The following PTPRN2 variants were observed in gnomAD, a reference collection of about 807,000 sequenced individuals.
The protein encoded by PTPRN2 is protein tyrosine phosphatase receptor type N2.
Under a neutral mutation model 118.8 loss-of-function variants are expected in PTPRN2, and 74 were observed. The observed-to-expected ratio is 0.62, with a 90% CI of 0.52 to 0.76. PTPRN2 has a LOEUF of 0.76. PTPRN2 is among the 30% of genes least tolerant of loss of function. The pLI, the probability that PTPRN2 is intolerant of heterozygous loss-of-function variation, is 0.00. For missense variants in PTPRN2, 1,481 were observed against 1,394.4 expected (o/e 1.06, Z -0.99); for synonymous variants, 641 against 608.0 (o/e 1.05, Z -0.80).
chr7:158,074,936 T>G (rs1161414120), intron 11 of PTPRN2, among the ~76,000 whole-genome samples: 1 of 152,222 alleles, frequency 6.6e-6, no homozygotes, highest in Non-Finnish European at 1.5e-5. Flanking sequence ...TTCCTAGCCC[T>G]TGGTTTAGCA....
At chr7:158,147,810 A>G (rs1338724935) in intron 6 of PTPRN2, among the ~76,000 whole-genome samples, 10 of 99,338 alleles carry the variant, frequency 1.0e-4, no homozygotes, top group East Asian at 9.3e-4. Flanking sequence ...ATTTCACGCC[A>G]CACGTCTTTC....
At chr7:158,216,329 T>C (rs1827953585) in intron 3 of PTPRN2, among the ~76,000 whole-genome samples, 1 of 151,536 alleles carries the variant, frequency 6.6e-6, no homozygotes, top group Non-Finnish European at 1.5e-5. Context: ...CAAGAACAAG[T>C]AGAAAATACA....
chr7:158,352,507 G>A (rs1248125266), intron 2 of PTPRN2, among the ~76,000 whole-genome samples: 2 of 152,228 alleles, frequency 1.3e-5, no homozygotes, highest in East Asian at 1.9e-4. Context: ...GGACCCTGAG[G>A]TGGGTCAGGC....
rs1213062907 is a variant in PTPRN2 at position 158,525,189 on chromosome 7, C to T, written c.113-35404G>A. 6.6e-6 allele frequency among the ~76,000 whole-genome samples: 1 copy of T among 152,134 alleles called. No homozygotes were observed. Among genetic ancestry groups the T allele is most frequent in the African/African-American group, 2.4e-5 (1 of 41,414 alleles). Reference sequence around the variant, plus strand: ...CTCTGGAGCCGGCTGCAGAGCACAGCGTGAGGCAGGCCCTGACCGCTCTGG... The same window carrying T: ...CTCTGGAGCCGGCTGCAGAGCACAGTGTGAGGCAGGCCCTGACCGCTCTGG... On this transcript the variant is annotated intron_variant, in intron 1 of 22. Transcript: ENST00000389418. This position sits in a 1 kb window ranked among gnomAD's most constrained non-coding sequence, Gnocchi z 4.1.
rs981701981 is a variant in PTPRN2, at chr7:158,529,168, C to T, written c.113-39383G>A. Among the ~76,000 whole-genome samples the T allele has an allele frequency of 3.9e-5, 6 of 152,234 alleles. No individual in the cohort carries two copies. The highest frequency in any genetic ancestry group is 1.3e-4 in the Admixed American group (2 of 15,284). On this transcript the variant is annotated intron_variant, in intron 1 of 22. Coordinates refer to ENST00000389418, the MANE Select transcript of PTPRN2 (RefSeq NM_002847.5). The surrounding 1 kb of genome is among the most constrained non-coding windows in gnomAD (Gnocchi z 4.7). ...CTGGGACACAGGACATTAGAATGCC[C>T]GCAGCACTCACACAGCACCTGGTGG...
At chr7:158,390,274 G>T (rs1048186435) in intron 2 of PTPRN2, among the ~76,000 whole-genome samples, 2 of 152,222 alleles carry the variant, frequency 1.3e-5, no homozygotes, top group African/African-American at 4.8e-5. Context: ...TCTCCTTGCA[G>T]CCAGGGGCAG....
chr7:158,059,140 G>C (rs1379341353), intron 11 of PTPRN2, among the ~76,000 whole-genome samples: 1 of 122,182 alleles, frequency 8.2e-6, no homozygotes, highest in Non-Finnish European at 1.6e-5. Context: ...TGCCCACGGT[G>C]AGACATCACT....
At chr7:158,542,933 C>T (rs1826074668) in intron 1 of PTPRN2, among the ~76,000 whole-genome samples, 1 of 152,148 alleles carries the variant, frequency 6.6e-6, no homozygotes, top group South Asian at 2.1e-4. Context: ...ATGGGGGAGC[C>T]GCAGAGACCA....
intron 13 of PTPRN2, among the ~76,000 whole-genome samples, chr7:157,680,630 G>A (rs892387274): frequency 2.0e-5 from 3 of 152,088 alleles, no homozygotes; most frequent in Non-Finnish European, 2.9e-5. Flanking sequence ...ACAATGGTTC[G>A]GCACCTAGAA....
chr7:157,872,158 G>GT (rs1487899757), intron 12 of PTPRN2, among the ~76,000 whole-genome samples: 12 of 89,292 alleles, frequency 1.3e-4, no homozygotes, highest in East Asian at 9.1e-4. Context: ...CATACACAGC[G>GT]CCTCCCCACA....
intron 12 of PTPRN2, among the ~76,000 whole-genome samples, chr7:157,830,044 C>A (rs891261853): frequency 2.0e-5 from 3 of 151,840 alleles, no homozygotes; most frequent in African/African-American, 4.8e-5. Flanking sequence ...CGTGTTACCA[C>A]CCCCTCCTGC....
rs565309865 is a variant in PTPRN2, at chr7:157,693,350, C to A, written c.1789-10413G>T. On this transcript the variant is annotated intron_variant, in intron 12 of 22. Transcript: ENST00000389418. ...AACCCTAGGGTGGCGACAGAGCAAACCCCTCCAGGACTGGAGGCCCGACCT... is the reference window on the plus strand; with the variant it reads ...AACCCTAGGGTGGCGACAGAGCAAAACCCTCCAGGACTGGAGGCCCGACCT... 2.5e-4 allele frequency among the ~76,000 whole-genome samples: 38 copies of A among 152,160 alleles called. No individual in the cohort carries two copies. In the South Asian group the frequency reaches 7.7e-3, roughly 31 times the overall value.
intron 11 of PTPRN2, among the ~76,000 whole-genome samples, chr7:158,071,699 G>A (rs1322719135): frequency 1.5e-4 from 20 of 136,112 alleles, no homozygotes; most frequent in Admixed American, 2.9e-4. Context: ...AGGTGCTTGT[G>A]GTGGAGGTGC....
At chr7:157,705,915 A>G (rs1325205583) in intron 12 of PTPRN2, among the ~76,000 whole-genome samples, 1 of 152,078 alleles carries the variant, frequency 6.6e-6, no homozygotes, top group Non-Finnish European at 1.5e-5. Context: ...ATAAAGGCGG[A>G]CCACATCCTT....
chr7:157,576,882 G>T (rs1483196908), intron 18 of PTPRN2, 103 bp from the exon 19 acceptor site: 2 of 1,210,978 alleles, frequency 1.7e-6, no homozygotes, highest in Middle Eastern at 2.3e-4. Context: ...CAGAGAAGGG[G>T]GCGCTGCGAA....
At chr7:157,802,292 G>T (rs550638514) in intron 12 of PTPRN2, among the ~76,000 whole-genome samples, 1 of 152,186 alleles carries the variant, frequency 6.6e-6, no homozygotes, top group African/African-American at 2.4e-5. Context: ...TCTTCGGTGC[G>T]TTCAATTGTC....
At chr7:157,810,574 C>T (rs1805943280) in intron 12 of PTPRN2, among the ~76,000 whole-genome samples, 1 of 112,968 alleles carries the variant, frequency 8.9e-6, no homozygotes, top group Non-Finnish European at 1.7e-5. Context: ...GGGGGCTGGG[C>T]TCTCCATGGG....
intron 2 of PTPRN2, among the ~76,000 whole-genome samples, chr7:158,413,564 A>G (rs1345585801): frequency 6.6e-6 from 1 of 152,208 alleles, no homozygotes; most frequent in Admixed American, 6.5e-5. Context: ...CCCCTCCCAG[A>G]AGATGGCAGG....
chr7:157,598,946 T>G lies in PTPRN2; in HGVS notation c.2419-3631A>C, dbSNP rs943931967. 2.0e-5 allele frequency among the ~76,000 whole-genome samples: 3 copies of G among 151,868 alleles called. No individual in the cohort carries two copies. Among genetic ancestry groups the G allele is most frequent in the African/African-American group, 7.3e-5 (3 of 41,332 alleles). On this transcript the variant is annotated intron_variant, in intron 16 of 22. Transcript: ENST00000389418. This position sits in a 1 kb window ranked among gnomAD's most constrained non-coding sequence, Gnocchi z 5.2. ...CCACAGAGAATCCAGTGTGACTCAC[T>G]CCAAGTGACTTCATGAAAATCAACA...
Sources: allele counts gnomAD v4.1 joint callset (sites outside exome capture counted in the v4.1 genomes callset), GRCh38; gene constraint gnomAD v4.1.1; non-coding constraint Gnocchi (gnomAD v3.1); transcripts MANE v1.5; gene names NCBI Gene and HGNC (gene_info 2026-07-23, HGNC 2026-07-21).